The following KCNC4 variants were observed in gnomAD, a reference collection of about 807,000 sequenced individuals.
KCNC4 encodes voltage-gated potassium channel KCNC4.
In KCNC4, 23 loss-of-function variants were observed where a neutral mutation model predicts 42.8. The ratio of observed to expected loss-of-function variants is 0.54; its 90% CI spans 0.39 to 0.76. The LOEUF (loss-of-function observed/expected upper bound fraction) is 0.76. KCNC4 is among the 30% of genes least tolerant of loss of function. The pLI is 0.00. For synonymous variants in KCNC4, 422 were observed against 393.5 expected, an observed-to-expected ratio of 1.07 and a Z score of -0.86; for missense variants, 751 against 898.2, an observed-to-expected ratio of 0.84 and a Z score of 2.10.
chr1:110,254,329 C>G (rs1230207388), intron 1 of KCNC4, among the ~76,000 whole-genome samples: 3 of 152,228 alleles, frequency 2.0e-5, no homozygotes, highest in Non-Finnish European at 4.4e-5. Flanking sequence ...CAGGATCTGA[C>G]CCCTGAGGCT....
downstream of KCNC4, among the ~76,000 whole-genome samples, chr1:110,249,376 C>T (rs532697689): frequency 6.6e-6 from 1 of 152,196 alleles, no homozygotes; most frequent in Non-Finnish European, 1.5e-5. Context: ...GTGAAAGTTG[C>T]TTGCAAATTC....
chr1:110,268,511 CG>C (rs2101082970), intron 1 of KCNC4, among the ~76,000 whole-genome samples: 1 of 142,038 alleles, frequency 7.0e-6, no homozygotes, highest in African/African-American at 2.6e-5. Context: ...GAGGCTGAGG[CG>C]GGAGAATGGC....
At chr1:110,217,979 C>T (rs1657890256) in intron 1 of KCNC4, among the ~76,000 whole-genome samples, 1 of 152,212 alleles carries the variant, frequency 6.6e-6, no homozygotes, top group Non-Finnish European at 1.5e-5. Context: ...CACCCCATCC[C>T]CACAGATCTT....
Position 110,222,986 on chromosome 1 carries a change from T to C in KCNC4, c.701T>C (p.Phe234Ser), listed in dbSNP as rs763044513. The change falls in exon 2 of 4, where the codon TTC (phenylalanine) becomes TCC (serine). Residue 234 changes from phenylalanine (F) to serine (S), a missense_variant. This residue lies in a region of KCNC4 where 181 missense variants were observed against 167.3 expected (regional missense o/e 1.08). Transcript: ENST00000438661. ...AARVVAFASL[F>S]FILVSITTFC... Reference sequence around the variant, plus strand: ...TAGGTAGTGGCCTTTGCCTCTCTCTTCTTCATCCTGGTCTCCATCACCACT... The same window carrying C: ...TAGGTAGTGGCCTTTGCCTCTCTCTCCTTCATCCTGGTCTCCATCACCACT... 6 of 1,613,852 alleles carry C rather than the reference T, an allele frequency of 3.7e-6. No individual in the cohort carries two copies. The Admixed American group carries it at 6.7e-5, about 18-fold the overall frequency.
intron 3 of KCNC4, among the ~76,000 whole-genome samples, chr1:110,227,868 C>T (rs1311955048): frequency 1.3e-5 from 2 of 152,128 alleles, no homozygotes; most frequent in Non-Finnish European, 2.9e-5. Flanking sequence ...GGAGTTTCAC[C>T]GGCACGTGCA....
chr1:110,252,632 G>A (rs1462060699), downstream of KCNC4, among the ~76,000 whole-genome samples: 3 of 152,130 alleles, frequency 2.0e-5, no homozygotes, highest in Admixed American at 6.5e-5. Context: ...TGCCTCCCGA[G>A]AATGGCTCTG....
In KCNC4 at chr1:110,211,703, C is replaced by A. The variant is rs1657463770; in HGVS notation, c.204C>A (p.Pro68=). The change falls in exon 1 of 4, where the codon CCC becomes CCA. Residue 68 remains proline (P), a synonymous_variant. Transcript: ENST00000438661. The surrounding 1 kb of genome is among the most constrained non-coding windows in gnomAD (Gnocchi z 6.5). ...PGTRLAWLAD[P]DGGGRPETDG... Reference sequence around the variant, plus strand: ...CCCGCCTCGCCTGGCTGGCCGACCCCGACGGCGGGGGCCGGCCCGAGACCG... The same window carrying A: ...CCCGCCTCGCCTGGCTGGCCGACCCAGACGGCGGGGGCCGGCCCGAGACCG... The A allele has an allele frequency of 3.7e-6, 6 of 1,609,378 alleles. No individual in the cohort carries two copies. Among genetic ancestry groups the A allele is most frequent in the Non-Finnish European group, 5.1e-6 (6 of 1,177,898 alleles).
chr1:110,278,477 C>A (rs1053938466), intron 1 of KCNC4, among the ~76,000 whole-genome samples: 1 of 152,110 alleles, frequency 6.6e-6, no homozygotes, highest in Admixed American at 6.5e-5. Flanking sequence ...TGTGCCCCAA[C>A]AACAAGCAAG....
At chr1:110,215,012 A>G (rs1241776645) in intron 1 of KCNC4, among the ~76,000 whole-genome samples, 1 of 151,802 alleles carries the variant, frequency 6.6e-6, no homozygotes, top group Non-Finnish European at 1.5e-5. Flanking sequence ...GCTCACAGCT[A>G]CCTCCTCCCT....
At chr1:110,221,846 C>T (rs973126125) in intron 1 of KCNC4, 2 of 152,234 alleles carry the variant, frequency 1.3e-5, no homozygotes, top group African/African-American at 4.8e-5. Context: ...GACTGGACCC[C>T]ATCAGTGGGC....
At chr1:110,242,315 G>C (rs1659048299) in exon 4 of KCNC4, 4 of 152,216 alleles carry the variant, frequency 2.6e-5, no homozygotes. Flanking sequence ...GTCTTCATTA[G>C]TGGTGTTCTG....
exon 4 of KCNC4, chr1:110,247,246 T>TA (rs1659170502): frequency 6.6e-6 from 1 of 151,212 alleles, no homozygotes; most frequent in South Asian, 2.1e-4. Flanking sequence ...TTTTTTTTTT[T>TA]AGGCAAGATC....
chr1:110,232,063 A>G (rs566043820), intron 3 of KCNC4, among the ~76,000 whole-genome samples: 1 of 152,168 alleles, frequency 6.6e-6, no homozygotes, highest in Middle Eastern at 3.4e-3. Context: ...GGACAGCAGT[A>G]CTCCTACCTG....
chr1:110,239,957 G>A (rs1658993762), exon 4 of KCNC4: 1 of 152,264 alleles, frequency 6.6e-6, no homozygotes, highest in Non-Finnish European at 1.5e-5. Flanking sequence ...TCCATGCAGA[G>A]TAGGTGCTCA....
At chr1:110,247,534 C>T (rs814320) in exon 4 of KCNC4, 120,521 of 148,252 alleles carry the variant, frequency 0.81, 49,263 homozygotes, top group African/African-American at 0.87. Flanking sequence ...TTGATTTCTT[C>T]TGTGAAGTCT....
At position 110,226,049 on chromosome 1, in the gene KCNC4, T is replaced by G. The variant is rs1277605324; in HGVS notation, c.1690T>G (p.Ser564Ala). ...EGAGLTQPLA[S>A]SPTPEERRAL... ...AGCTGGCCTCACCCAACCCCTGGCC[T>G]CCTCCCCGACCCCCGAGGAGCGCCG... The change falls in exon 3 of 4, where the codon TCC (serine) becomes GCC (alanine). Residue 564 changes from serine (S) to alanine (A), a missense_variant. Physicochemically the swap from Ser to Ala is moderately conservative, Grantham distance 99 (BLOSUM62 1). Coordinates refer to ENST00000438661, the MANE Select transcript of KCNC4 (RefSeq NM_001039574.3). 1.9e-6 allele frequency: 3 copies of G among 1,613,604 alleles called. No individual in the cohort carries two copies. The highest frequency in any genetic ancestry group is 2.7e-5 in the African/African-American group (2 of 74,780).
chr1:110,225,968 C>T lies in KCNC4; in HGVS notation c.1616-7C>T, dbSNP rs78186862. 51,672 of 1,575,102 alleles carry T rather than the reference C, an allele frequency of 0.033. 1,029 individuals carry two copies. Among genetic ancestry groups the T allele is most frequent in the Non-Finnish European group, 0.039 (45,410 of 1,156,218 alleles). On this transcript the variant is annotated splice_polypyrimidine_tract_variant and splice_region_variant and intron_variant, in intron 2 of 3. Coordinates refer to ENST00000438661, the MANE Select transcript of KCNC4 (RefSeq NM_001039574.3). ...CATGCAGCCTCCTTTCTGTGTGCCC[C>T]CTTCAGACTCTAAGCAGAATGGCGA...
rs142302926 is a variant in KCNC4, at chr1:110,226,064, G to A, written c.1705G>A (p.Glu569Lys). 455 of 1,614,020 alleles carry A rather than the reference G, an allele frequency of 2.8e-4. No homozygotes were observed. The highest frequency in any genetic ancestry group is 3.7e-4 in the Non-Finnish European group (438 of 1,179,966). ...TQPLASSPTP[E>K]ERRALRRSTT... ...ACCCCTGGCCTCCTCCCCGACCCCC[G>A]AGGAGCGCCGGGCCCTGCGACGCTC... The change falls in exon 3 of 4, where the codon GAG (glutamate) becomes AAG (lysine). Residue 569 changes from glutamate to lysine, a missense_variant. Physicochemically the swap from Glu to Lys is moderately conservative, Grantham distance 56. This residue lies in a region of KCNC4 where 202 missense variants were observed against 181.5 expected (regional missense o/e 1.11). Transcript: ENST00000438661.
intron 1 of KCNC4, among the ~76,000 whole-genome samples, chr1:110,256,087 C>T (rs1659323031): frequency 6.6e-6 from 1 of 152,164 alleles, no homozygotes; most frequent in South Asian, 2.1e-4. Context: ...TACAGTAGCC[C>T]ACTCTTCTGG....
Sources: allele counts gnomAD v4.1 joint callset (sites outside exome capture counted in the v4.1 genomes callset), GRCh38; gene constraint gnomAD v4.1.1; regional missense constraint gnomAD v4.1.1; non-coding constraint Gnocchi (gnomAD v3.1); transcripts MANE v1.5; gene names NCBI Gene and HGNC (gene_info 2026-07-23, HGNC 2026-07-21).